DNAJC3: variants seen among roughly 807,000 people sequenced by gnomAD.
DNAJC3 encodes the protein DnaJ heat shock protein family (Hsp40) member C3.
A neutral mutation model predicts 68.6 loss-of-function variants in DNAJC3; 38 were observed. That is an observed-to-expected ratio of 0.55 (90% CI 0.43 to 0.73). DNAJC3 has a LOEUF of 0.73. DNAJC3 is among the 30% of genes least tolerant of loss of function. The pLI is 0.00. For synonymous variants in DNAJC3, 203 were observed against 204.0 expected, an observed-to-expected ratio of 1.00 and a Z score of 0.04; for missense variants, 526 against 591.9, an observed-to-expected ratio of 0.89 and a Z score of 1.16.
intron 9 of DNAJC3, among the ~76,000 whole-genome samples, chr13:95,783,623 G>A (rs939693308): frequency 2.0e-5 from 3 of 152,168 alleles, no homozygotes; most frequent in African/African-American, 4.8e-5. Context: ...GCACTGATGC[G>A]AGAATTCACT....
chr13:95,680,863 C>A (rs1041876431), intron 1 of DNAJC3, among the ~76,000 whole-genome samples: 1 of 152,166 alleles, frequency 6.6e-6, no homozygotes, highest in Non-Finnish European at 1.5e-5. Context: ...ACCTGCTCTT[C>A]AGAACGCAAA....
At chr13:95,734,670 C>G (rs1188647550) in intron 4 of DNAJC3, among the ~76,000 whole-genome samples, 1 of 152,066 alleles carries the variant, frequency 6.6e-6, no homozygotes, top group African/African-American at 2.4e-5. Flanking sequence ...TATTTGGTTA[C>G]TTTATGGAGT....
At chr13:95,773,954 C>T (rs1883233047) in intron 9 of DNAJC3, among the ~76,000 whole-genome samples, 1 of 152,052 alleles carries the variant, frequency 6.6e-6, no homozygotes, top group Non-Finnish European at 1.5e-5. Context: ...CCAGGATGGT[C>T]TCGATCTCCT....
At chr13:95,769,984 A>T (rs951201495) in intron 9 of DNAJC3, among the ~76,000 whole-genome samples, 1 of 152,242 alleles carries the variant, frequency 6.6e-6, no homozygotes, top group Non-Finnish European at 1.5e-5. Flanking sequence ...CCAAATTATG[A>T]AAAGCTTAAA....
chr13:95,759,874 C>T (rs1298993622), intron 5 of DNAJC3, among the ~76,000 whole-genome samples, 166 bp from the exon 6 acceptor site: 1 of 152,160 alleles, frequency 6.6e-6, no homozygotes, highest in South Asian at 2.1e-4. Context: ...AGTTTTGTCA[C>T]ATTTAAATTG....
At chr13:95,757,899 A>ACC in intron 5 of DNAJC3, 103 bp downstream of exon 5, 4 of 1,288,882 alleles carry the variant, frequency 3.1e-6, no homozygotes, top group Non-Finnish European at 4.1e-6. Flanking sequence ...ACAGGAGAAA[A>ACC]TCAGGTTGGT....
intron 2 of DNAJC3, among the ~76,000 whole-genome samples, chr13:95,721,077 A>G (rs1222194619): frequency 6.6e-6 from 1 of 152,154 alleles, no homozygotes; most frequent in Non-Finnish European, 1.5e-5. Flanking sequence ...CCTTTACACC[A>G]GCCCCTGGCA....
At chr13:95,677,506 C>T (rs1030221161) in intron 1 of DNAJC3, among the ~76,000 whole-genome samples, 169 bp downstream of exon 1, 3 of 152,188 alleles carry the variant, frequency 2.0e-5, no homozygotes, top group Non-Finnish European at 4.4e-5. Context: ...CCGGGTTTGT[C>T]TGGGGAAGAA....
chr13:95,712,909 G>A (rs931376116), intron 2 of DNAJC3, among the ~76,000 whole-genome samples: 1 of 152,150 alleles, frequency 6.6e-6, no homozygotes, highest in African/African-American at 2.4e-5. Flanking sequence ...CCCAGTGGGA[G>A]TTAATTTAAT....
intron 1 of DNAJC3, among the ~76,000 whole-genome samples, chr13:95,685,477 C>G (rs898355445): frequency 9.9e-5 from 15 of 152,134 alleles, no homozygotes; most frequent in Non-Finnish European, 8.8e-5. Context: ...CTTGGCTTGT[C>G]CCAGATGAGA....
chr13:95,785,370 G>T (rs180933571), intron 9 of DNAJC3, among the ~76,000 whole-genome samples: 3 of 151,886 alleles, frequency 2.0e-5, no homozygotes, highest in South Asian at 2.1e-4. Context: ...GCGGGAGGGT[G>T]GGCAAGTAAA....
At position 95,785,855 on chromosome 13, in the gene DNAJC3, A is replaced by T. The variant is rs1883586257; in HGVS notation, c.1076-84A>T. On this transcript the variant is annotated intron_variant, in intron 9 of 11. Transcript: ENST00000602402. ...AGAGTGAAGGGGTTGGGGGATGACG[A>T]CTTTAGCATCAATTTTACAGGATAA... is the stretch of plus-strand genomic sequence containing the variant. The T allele has an allele frequency of 3.8e-6, 5 of 1,325,922 alleles. No homozygotes were observed. The East Asian group carries it at 1.3e-4, about 35-fold the overall frequency. The allele number at this position is 1,325,922 out of a possible 1,614,324, so 82.1% of individuals were successfully genotyped here.
chr13:95,678,561 C>T (rs886750646), intron 1 of DNAJC3, among the ~76,000 whole-genome samples: 18 of 152,150 alleles, frequency 1.2e-4, no homozygotes, highest in Admixed American at 3.3e-4. Flanking sequence ...AAGGTCTGTA[C>T]CACTTTAATA....
Position 95,726,074 on chromosome 13 carries a change from T to A in DNAJC3, c.393+822T>A, listed in dbSNP as rs17882964. ...CACATTTTCTTAATCCAGTCTATCG[T>A]TGTTGGACATTTGGGTTGGTTCCAA... On this transcript the variant is annotated intron_variant, in intron 4 of 11. Coordinates refer to ENST00000602402, the MANE Select transcript of DNAJC3 (RefSeq NM_006260.5). Among the ~76,000 whole-genome samples the A allele has an allele frequency of 3.1e-4, 47 of 152,110 alleles. No individual in the cohort carries two copies. In the South Asian group the frequency reaches 9.8e-3, roughly 32 times the overall value.
At chr13:95,759,637 A>G (rs1882762968) in intron 5 of DNAJC3, among the ~76,000 whole-genome samples, 2 of 152,206 alleles carry the variant, frequency 1.3e-5, no homozygotes, top group South Asian at 4.1e-4. Flanking sequence ...TTTTTTGACT[A>G]CAAATTAGAA....
chr13:95,683,963 C>T (rs184679335), intron 1 of DNAJC3, among the ~76,000 whole-genome samples: 44 of 151,532 alleles, frequency 2.9e-4, no homozygotes, highest in Non-Finnish European at 3.7e-4. Context: ...TACCCAGTTC[C>T]GGGTATTTCT....
intron 10 of DNAJC3, 90 bp from the exon 11 acceptor site, chr13:95,786,916 TG>T: frequency 6.8e-7 from 1 of 1,467,538 alleles, no homozygotes; most frequent in Non-Finnish European, 9.2e-7. Context: ...TTTTGTTAAT[TG>T]CCAGTAGGAT....
chr13:95,751,427 A>G (rs1882476652), intron 4 of DNAJC3, among the ~76,000 whole-genome samples: 1 of 152,198 alleles, frequency 6.6e-6, no homozygotes, highest in Non-Finnish European at 1.5e-5. Flanking sequence ...CTCTTGATTA[A>G]CTGTGTGATG....
Position 95,729,017 on chromosome 13 carries a change from A to T in DNAJC3, c.393+3765A>T, listed in dbSNP as rs536434443. On this transcript the variant is annotated intron_variant, in intron 4 of 11. Transcript: ENST00000602402. ...CCTACTCTCTAACTCTGTGAGAGTAACTTTTTTTTTTGCTCCCACATATAT... is the reference window on the plus strand; with the variant it reads ...CCTACTCTCTAACTCTGTGAGAGTATCTTTTTTTTTTGCTCCCACATATAT... Among the ~76,000 whole-genome samples, 348 of 150,850 alleles carry T rather than the reference A, an allele frequency of 2.3e-3. 2 individuals carry two copies. The highest frequency in any genetic ancestry group is 3.8e-3 in the Admixed American group (58 of 15,164).
Sources: gnomAD v4.1 joint callset for allele counts (sites outside exome capture counted in the v4.1 genomes callset) on GRCh38, gnomAD v4.1.1 for gene constraint, MANE v1.5 for transcripts, NCBI Gene and HGNC (gene_info 2026-07-23, HGNC 2026-07-21) for gene names.